Variants in PIK3C2G observed in about 807,000 individuals in gnomAD.
PIK3C2G encodes phosphatidylinositol-4-phosphate 3-kinase catalytic subunit type 2 gamma, also known as phosphatidylinositol 3-kinase C2 domain-containing subunit gamma.
Under a neutral mutation model 181.1 loss-of-function variants are expected in PIK3C2G, and 168 were observed. That is an observed-to-expected ratio of 0.93 (90% CI 0.82 to 1.05). The LOEUF (loss-of-function observed/expected upper bound fraction) is 1.05, where lower values mean the gene tolerates loss of function less well. Among genes scored for constraint, PIK3C2G ranks in the 50% least tolerant of loss-of-function variants. PIK3C2G has a pLI of 0.00. For synonymous variants in PIK3C2G, 573 were observed against 592.2 expected, an observed-to-expected ratio of 0.97 and a Z score of 0.47; for missense variants, 1,869 against 1,732.8, an observed-to-expected ratio of 1.08 and a Z score of -1.40.
rs536531735 is a variant in PIK3C2G at position 18,322,122 on chromosome 12, C to T, written c.1208+1090C>T. Among the ~76,000 whole-genome samples, 192 of 152,276 alleles carry T rather than the reference C, an allele frequency of 1.3e-3. 1 individual carries two copies. Among genetic ancestry groups the T allele is most frequent in the Non-Finnish European group, 1.8e-3 (121 of 68,024 alleles). On this transcript the variant is annotated intron_variant, in intron 7 of 32. Coordinates refer to ENST00000538779, the MANE Select transcript of PIK3C2G (RefSeq NM_001288772.2). ...AAAATTGGCCAAGTGCGGTGGCTCA[C>T]GCTTGTAATCCCAGCACTTTAGGAG...
At chr12:18,720,501 C>G in the PIK3C2G span, among the ~76,000 whole-genome samples, 28 of 151,154 alleles carry the variant, frequency 1.9e-4, no homozygotes, top group Admixed American at 1.9e-3. Context: ...CTGGAAACAG[C>G]CTGGACTCAT....
chr12:18,505,597 T>A (rs1295220944), intron 24 of PIK3C2G, 136 bp downstream of exon 24: 2 of 530,822 alleles, frequency 3.8e-6, no homozygotes, highest in Non-Finnish European at 6.2e-6. Flanking sequence ...CATGATAATA[T>A]ATCTAATAAG....
intron 29 of PIK3C2G, among the ~76,000 whole-genome samples, chr12:18,580,715 A>G (rs527737545): frequency 6.6e-6 from 1 of 152,334 alleles, no homozygotes; most frequent in South Asian, 2.1e-4. Flanking sequence ...AGTGGGTGGA[A>G]CTACATTAAA....
chr12:18,583,723 T>C (rs1946622827), intron 29 of PIK3C2G, among the ~76,000 whole-genome samples: 1 of 151,908 alleles, frequency 6.6e-6, no homozygotes, highest in African/African-American at 2.4e-5. Flanking sequence ...CTAACCACTT[T>C]AATCAGAGGC....
intron 8 of PIK3C2G, among the ~76,000 whole-genome samples, chr12:18,332,575 A>C (rs1938090853): frequency 6.6e-6 from 1 of 152,120 alleles, no homozygotes; most frequent in Non-Finnish European, 1.5e-5. Context: ...TCTTGGACCC[A>C]AGACAACTTT....
the PIK3C2G span, among the ~76,000 whole-genome samples, chr12:18,696,533 ATTAGATAAT>A: frequency 6.6e-6 from 1 of 151,654 alleles, no homozygotes; most frequent in Non-Finnish European, 1.5e-5. Flanking sequence ...GAAAAAATTG[ATTAGATAAT>A]TTATATATTT....
intron 9 of PIK3C2G, among the ~76,000 whole-genome samples, chr12:18,340,579 T>C (rs377451657): frequency 2.6e-5 from 4 of 152,178 alleles, no homozygotes; most frequent in East Asian, 1.9e-4. Flanking sequence ...TACTCTTAAA[T>C]TGTCACATTT....
At chr12:18,616,155 G>A (rs542036295) in intron 31 of PIK3C2G, among the ~76,000 whole-genome samples, 12 of 152,038 alleles carry the variant, frequency 7.9e-5, no homozygotes, top group Non-Finnish European at 1.5e-4. Context: ...CTTTTCTTTG[G>A]AAACTTTACT....
the PIK3C2G span, chr12:18,713,706 T>A: frequency 6.6e-6 from 1 of 152,114 alleles, no homozygotes; most frequent in Non-Finnish European, 1.5e-5. Context: ...CGACTCATAA[T>A]TTCACTAGGA....
intron 30 of PIK3C2G, among the ~76,000 whole-genome samples, chr12:18,595,263 G>T (rs1947298974): frequency 6.6e-6 from 1 of 152,040 alleles, no homozygotes; most frequent in Non-Finnish European, 1.5e-5. Flanking sequence ...CTGGTTGTAA[G>T]CAAGAAGCAC....
At chr12:18,356,983 C>T (rs990662962) in intron 11 of PIK3C2G, among the ~76,000 whole-genome samples, 2 of 152,068 alleles carry the variant, frequency 1.3e-5, no homozygotes, top group Admixed American at 1.3e-4. Flanking sequence ...CCAGGCACCC[C>T]ACCCTTTTCT....
At chr12:18,362,383 G>C (rs1018347028) in intron 11 of PIK3C2G, among the ~76,000 whole-genome samples, 1 of 152,124 alleles carries the variant, frequency 6.6e-6, no homozygotes, top group Non-Finnish European at 1.5e-5. Context: ...GAAGTTGAGA[G>C]TTTCTTTCTG....
chr12:18,597,110 G>A (rs1356170769), intron 30 of PIK3C2G, among the ~76,000 whole-genome samples: 1 of 151,884 alleles, frequency 6.6e-6, no homozygotes, highest in Non-Finnish European at 1.5e-5. Context: ...ACATCTGAGT[G>A]TGAAGGATAT....
intron 24 of PIK3C2G, among the ~76,000 whole-genome samples, chr12:18,533,708 A>T (rs1008529850): frequency 1.3e-5 from 2 of 152,114 alleles, no homozygotes; most frequent in Non-Finnish European, 2.9e-5. Flanking sequence ...GAAGCCCAGT[A>T]TTTGTTGATA....
chr12:18,244,591 TA>T (rs1193607502), upstream of PIK3C2G, among the ~76,000 whole-genome samples: 2 of 152,018 alleles, frequency 1.3e-5, no homozygotes, highest in Non-Finnish European at 2.9e-5. Flanking sequence ...AAAAGTGATT[TA>T]CAAGTAAATT....
intron 26 of PIK3C2G, among the ~76,000 whole-genome samples, chr12:18,556,359 C>T (rs534292420): frequency 4.6e-4 from 70 of 152,242 alleles, no homozygotes; most frequent in African/African-American, 1.6e-3. Context: ...AAGTCTGACA[C>T]CTGAGAGATA....
chr12:18,557,851 C>A (rs992098595), intron 26 of PIK3C2G, among the ~76,000 whole-genome samples: 1 of 152,234 alleles, frequency 6.6e-6, no homozygotes, highest in East Asian at 1.9e-4. Flanking sequence ...AAAAAATATG[C>A]AAGACCAAAC....
At chr12:18,519,491 G>C (rs1194644082) in intron 24 of PIK3C2G, among the ~76,000 whole-genome samples, 1 of 151,878 alleles carries the variant, frequency 6.6e-6, no homozygotes, top group East Asian at 1.9e-4. Context: ...TGTCTTTTTT[G>C]ATCTTTGTTG....
intron 32 of PIK3C2G, among the ~76,000 whole-genome samples, chr12:18,644,958 G>A (rs1273212983): frequency 6.6e-6 from 1 of 152,026 alleles, no homozygotes; most frequent in African/African-American, 2.4e-5. Context: ...GTCAACTAAT[G>A]TTCAGTAAAT....
Sources: gnomAD v4.1 joint callset for allele counts (sites outside exome capture counted in the v4.1 genomes callset) on GRCh38, gnomAD v4.1.1 for gene constraint, MANE v1.5 for transcripts, NCBI Gene and HGNC (gene_info 2026-07-23, HGNC 2026-07-21) for gene names.